The following GSDMC variants were observed in gnomAD, a reference collection of about 807,000 sequenced individuals.
GSDMC encodes gasdermin C, also known as gasdermin-C.
A neutral mutation model predicts 58.0 loss-of-function variants in GSDMC; 59 were observed. The observed-to-expected ratio is 1.02, with a 90% CI of 0.82 to 1.26. GSDMC has a LOEUF of 1.26. Among genes scored for constraint, GSDMC ranks in the 50% most tolerant of loss-of-function variants. GSDMC has a pLI of 0.00. For synonymous variants in GSDMC, 241 were observed against 220.2 expected, an observed-to-expected ratio of 1.09 and a Z score of -0.83; for missense variants, 659 against 598.5, an observed-to-expected ratio of 1.10 and a Z score of -1.06.
the GSDMC span, among the ~76,000 whole-genome samples, chr8:129,721,989 T>C: frequency 1.3e-5 from 2 of 152,228 alleles, no homozygotes; most frequent in Admixed American, 1.3e-4. Flanking sequence ...AAAAGCAGAA[T>C]TGAAGAGCTA....
intron 3 of GSDMC, 21 bp from the exon 4 acceptor site, chr8:129,765,814 G>A: frequency 8.1e-6 from 13 of 1,608,186 alleles, no homozygotes; most frequent in Non-Finnish European, 1.1e-5. Context: ...AAGGAAGGAG[G>A]ACAAGAGTCA....
chr8:129,751,120 G>A (rs1288056864), intron 10 of GSDMC, among the ~76,000 whole-genome samples: 1 of 152,138 alleles, frequency 6.6e-6, no homozygotes, highest in African/African-American at 2.4e-5. Context: ...AAACAAGAGA[G>A]AGAGAGAGAG....
At chr8:129,778,338 T>C (rs2034308461) in intron 1 of GSDMC, among the ~76,000 whole-genome samples, 1 of 152,140 alleles carries the variant, frequency 6.6e-6, no homozygotes, top group Non-Finnish European at 1.5e-5. Context: ...AGGCCCAAGA[T>C]TGCAGTGTTG....
At chr8:129,740,544 A>G in the GSDMC span, among the ~76,000 whole-genome samples, 1 of 152,220 alleles carries the variant, frequency 6.6e-6, no homozygotes, top group African/African-American at 2.4e-5. Context: ...TCAGTACATT[A>G]ACATGCTGTA....
At chr8:129,709,173 C>CTTT in the GSDMC span, among the ~76,000 whole-genome samples, 1 of 147,814 alleles carries the variant, frequency 6.8e-6, no homozygotes, top group African/African-American at 2.5e-5. Context: ...ATTCCCCCTT[C>CTTT]TTTTTTTTTT....
chr8:129,725,704 TGTGCTA>T, the GSDMC span, among the ~76,000 whole-genome samples: 2,092 of 152,324 alleles, frequency 0.014, 47 homozygotes, highest in African/African-American at 0.048. Flanking sequence ...GCATCAACTA[TGTGCTA>T]GCACTATACT....
intron 13 of GSDMC, among the ~76,000 whole-genome samples, chr8:129,749,022 T>C (rs1450396013): frequency 6.6e-6 from 1 of 152,216 alleles, no homozygotes; most frequent in Middle Eastern, 3.2e-3. Flanking sequence ...TGTATGTATA[T>C]AGTATATGCA....
chr8:129,741,915 A>AATATATATATATATATATATATATAT, the GSDMC span, among the ~76,000 whole-genome samples: 60 of 126,212 alleles, frequency 4.8e-4, no homozygotes, highest in South Asian at 1.0e-3. Flanking sequence ...AAGAAAATGT[A>AATATATATATATATATATATATATAT]ATATATATAT....
chr8:129,766,855 G>A (rs1266481749), intron 3 of GSDMC, among the ~76,000 whole-genome samples: 2 of 152,176 alleles, frequency 1.3e-5, no homozygotes, highest in African/African-American at 4.8e-5. Context: ...CATCCTAGGA[G>A]GTCCAGCTCT....
the GSDMC span, among the ~76,000 whole-genome samples, chr8:129,709,540 G>C: frequency 8.3e-6 from 1 of 120,604 alleles, no homozygotes; most frequent in South Asian, 2.6e-4. Context: ...AGTTGATATA[G>C]ATAGATAATA....
chr8:129,734,502 T>A, the GSDMC span, among the ~76,000 whole-genome samples: 1 of 152,156 alleles, frequency 6.6e-6, no homozygotes, highest in East Asian at 1.9e-4. Context: ...ACAAGCCAGA[T>A]GAGAGTGGGG....
chr8:129,784,429 C>A (rs1404766773), intron 1 of GSDMC, among the ~76,000 whole-genome samples: 1 of 151,370 alleles, frequency 6.6e-6, no homozygotes, highest in Non-Finnish European at 1.5e-5. Flanking sequence ...AAAATATGGG[C>A]AAAAGAGTTG....
chr8:129,734,049 T>C, the GSDMC span, among the ~76,000 whole-genome samples: 1 of 152,146 alleles, frequency 6.6e-6, no homozygotes, highest in African/African-American at 2.4e-5. Flanking sequence ...CAACAGCCGA[T>C]TCAATCAAGA....
chr8:129,737,756 G>C, the GSDMC span, among the ~76,000 whole-genome samples: 1 of 152,138 alleles, frequency 6.6e-6, no homozygotes, highest in Non-Finnish European at 1.5e-5. Flanking sequence ...GCATGGGCAA[G>C]AACTTCATGA....
chr8:129,732,841 T>C, the GSDMC span, among the ~76,000 whole-genome samples: 91,814 of 152,056 alleles, frequency 0.6, 30,538 homozygotes, highest in African/African-American at 0.88. Flanking sequence ...GAGGGCAAGC[T>C]GAAGCAGGGT....
At chr8:129,756,072 A>G (rs1237089348) in intron 6 of GSDMC, among the ~76,000 whole-genome samples, 1 of 152,038 alleles carries the variant, frequency 6.6e-6, no homozygotes, top group Non-Finnish European at 1.5e-5. Flanking sequence ...AGGATTAAAA[A>G]AAAAAACAAG....
intron 3 of GSDMC, among the ~76,000 whole-genome samples, chr8:129,772,547 A>G (rs2034097160): frequency 6.6e-6 from 1 of 152,192 alleles, no homozygotes; most frequent in Non-Finnish European, 1.5e-5. Context: ...ATTCCCAGAA[A>G]CATATGATCT....
At chr8:129,740,962 C>G in the GSDMC span, among the ~76,000 whole-genome samples, 5 of 152,060 alleles carry the variant, frequency 3.3e-5, no homozygotes, top group African/African-American at 1.2e-4. Context: ...CTTCTGGTAG[C>G]CTTGCCGTTT....
chr8:129,762,529 G>A, intron 5 of GSDMC, 97 bp downstream of exon 5: 1 of 785,102 alleles, frequency 1.3e-6, no homozygotes, highest in Non-Finnish European at 2.3e-6. Context: ...GAGCATCAAA[G>A]GTTGCATACT....
Sources: gnomAD v4.1 joint callset for allele counts (sites outside exome capture counted in the v4.1 genomes callset) on GRCh38, gnomAD v4.1.1 for gene constraint, MANE v1.5 for transcripts, NCBI Gene and HGNC (gene_info 2026-07-23, HGNC 2026-07-21) for gene names.